Variants in DPP9 observed in about 807,000 individuals in gnomAD.
The protein encoded by DPP9 is dipeptidyl peptidase 9.
DPP9 carries 50 observed loss-of-function variants against 110.7 expected under a neutral mutation model. That is an observed-to-expected ratio of 0.45 (90% confidence interval 0.36 to 0.57). DPP9 has a LOEUF of 0.57. Among genes scored for constraint, DPP9 ranks in the 20% least tolerant of loss-of-function variants. The pLI, the probability that DPP9 is intolerant of heterozygous loss-of-function variation, is 0.00. For missense variants in DPP9, 1,022 were observed against 1,217.9 expected (o/e 0.84, Z 2.39); for synonymous variants, 561 against 514.4 (o/e 1.09, Z -1.23).
rs1488013339 is a variant in DPP9 at position 4,684,431 on chromosome 19, C to G, written c.2178+232G>C. ...TCGCCATCACCACCGTCGTCATCACCAGTGTCAGCACAACTTGTCTCTGTC... is the reference window on the plus strand; with the variant it reads ...TCGCCATCACCACCGTCGTCATCACGAGTGTCAGCACAACTTGTCTCTGTC... On this transcript the variant is annotated intron_variant, in intron 18 of 21. Coordinates refer to ENST00000262960, the MANE Select transcript of DPP9 (RefSeq NM_139159.5). This position sits in a 1 kb window ranked among gnomAD's most constrained non-coding sequence, Gnocchi z 4.8. 3.5e-6 allele frequency: 2 copies of G among 569,864 alleles called. No individual in the cohort carries two copies. The highest frequency in any genetic ancestry group is 5.9e-5 in the East Asian group (2 of 33,668). The allele number at this position is 569,864 out of a possible 1,614,324, so 35.3% of individuals were successfully genotyped here. A position where few individuals can be genotyped will look rare whatever the true frequency, so the allele number is the denominator to read the frequency against.
intron 3 of DPP9, among the ~76,000 whole-genome samples, chr19:4,714,759 A>T (rs1182242307): frequency 6.6e-6 from 1 of 151,896 alleles, no homozygotes; most frequent in Non-Finnish European, 1.5e-5. Context: ...CCCATCACTT[A>T]AAACCCTTCC....
At chr19:4,705,472 T>C (rs1283213275) in intron 5 of DPP9, among the ~76,000 whole-genome samples, 1 of 152,224 alleles carries the variant, frequency 6.6e-6, no homozygotes, top group African/African-American at 2.4e-5. Flanking sequence ...TCCTCTTGCC[T>C]CGGCCTCCCA....
intron 2 of DPP9, 66 bp from the exon 3 acceptor site, chr19:4,720,007 GC>G: frequency 7.9e-7 from 1 of 1,268,138 alleles, no homozygotes; most frequent in Non-Finnish European, 1.1e-6. Context: ...GGGCGCTCCT[GC>G]CCCCTTCGCC....
chr19:4,715,550 G>GGCAGGCATTCCACGGA (rs2093036642), intron 3 of DPP9: 2 of 152,134 alleles, frequency 1.3e-5, no homozygotes, highest in South Asian at 4.2e-4. Context: ...GCTGGCACGT[G>GGCAGGCATTCCACGGA]GCAGGCATTC....
rs2088760584 is a variant in DPP9, at chr19:4,675,622, C to T, written c.*942G>A. ...GAGGGCTGTCCACAGGTGGTGCCCC[C>T]CGCGGGCCCTGGCCGCTTCTCCTGT... On this transcript the variant is annotated 3_prime_UTR_variant, in exon 22 of 22. Coordinates refer to ENST00000262960, the MANE Select transcript of DPP9 (RefSeq NM_139159.5). The T allele has an allele frequency of 6.6e-6, 1 of 152,260 alleles. No homozygotes were observed. Among genetic ancestry groups the T allele is most frequent in the Admixed American group, 6.5e-5 (1 of 15,284 alleles). 9.4% of individuals were successfully genotyped at this position (152,260 alleles called of 1,614,324 possible).
At position 4,675,342 on chromosome 19, in the gene DPP9, T is replaced by TC. The variant is rs1020229987; in HGVS notation, c.*1221_*1222insG. The TC allele has an allele frequency of 2.6e-5, 4 of 152,324 alleles. No homozygotes were observed. The highest frequency in any genetic ancestry group is 7.2e-5 in the African/African-American group (3 of 41,380). The allele number at this position is 152,324 out of a possible 1,614,324, so 9.4% of individuals were successfully genotyped here. A position where few individuals can be genotyped will look rare whatever the true frequency, so the allele number is the denominator to read the frequency against. ...AATATGTAGAGGTGGTTTGTTTCTT[T>TC]TTTTTTTTTTTCTTTTCTTTTTACT... On this transcript the variant is annotated 3_prime_UTR_variant, in exon 22 of 22. Transcript: ENST00000262960.
intron 4 of DPP9, among the ~76,000 whole-genome samples, chr19:4,712,367 G>A (rs755862773): frequency 6.6e-6 from 1 of 152,042 alleles, no homozygotes; most frequent in Non-Finnish European, 1.5e-5. Flanking sequence ...TGGGCAACAC[G>A]GCAAAACCTC....
At position 4,676,472 on chromosome 19, in the gene DPP9, G is replaced by A; in HGVS notation, c.*92C>T. On this transcript the variant is annotated 3_prime_UTR_variant, in exon 22 of 22. Transcript: ENST00000262960. This position sits in a 1 kb window ranked among gnomAD's most constrained non-coding sequence, Gnocchi z 4.0. The stretch of plus-strand genomic sequence containing the variant: ...GCTGGGCGGGACAAAGTGCCTCACT[G>A]GGGCCCGCGGGCCACTCAGTCCCTC... 1 of 1,146,954 alleles carries A rather than the reference G, an allele frequency of 8.7e-7. No individual in the cohort carries two copies. Among genetic ancestry groups the A allele is most frequent in the East Asian group, 2.6e-5 (1 of 38,934 alleles). The allele number at this position is 1,146,954 out of a possible 1,614,324, so 71.0% of individuals were successfully genotyped here. A position where few individuals can be genotyped will look rare whatever the true frequency, so the allele number is the denominator to read the frequency against.
At position 4,718,469 on chromosome 19, in the gene DPP9, G is replaced by C. The variant is rs1031526231; in HGVS notation, c.56+1382C>G. On this transcript the variant is annotated intron_variant, in intron 3 of 21. Transcript: ENST00000262960. This position sits in a 1 kb window ranked among gnomAD's most constrained non-coding sequence, Gnocchi z 4.3. ...GGGTCCTACCCATGCGCTGGATGGG[G>C]AAATGCCTCAAGGTGGACTTTGGGC... Among the ~76,000 whole-genome samples, 2 of 152,212 alleles carry C rather than the reference G, an allele frequency of 1.3e-5. No homozygotes were observed. Among genetic ancestry groups the C allele is most frequent in the East Asian group, 3.8e-4 (2 of 5,196 alleles).
intron 4 of DPP9, among the ~76,000 whole-genome samples, chr19:4,708,064 T>A (rs2092673983): frequency 6.6e-6 from 1 of 152,224 alleles, no homozygotes; most frequent in Non-Finnish European, 1.5e-5. Context: ...CTGCTTGCTT[T>A]CTGTGTCCTG....
chr19:4,707,186 G>A (rs925664358), intron 4 of DPP9, among the ~76,000 whole-genome samples: 3 of 152,202 alleles, frequency 2.0e-5, no homozygotes, highest in African/African-American at 7.2e-5. Context: ...TGAAATCAGC[G>A]TATTTCATCA....
Position 4,682,755 on chromosome 19 carries a change from G to A in DPP9, c.2415C>T (p.Asn805=), listed in dbSNP as rs748078465. Residue 805 remains asparagine, a synonymous_variant, in exon 20 of 22, where the codon AAC becomes AAT. Transcript: ENST00000262960. The surrounding 1 kb of genome is among the most constrained non-coding windows in gnomAD (Gnocchi z 7.1). ...YTERYMDVPE[N]NQHGYEAGSV... ...AACCCGCCTCATAGCCGTGCTGGTT[G>A]TTCTCAGGGACGTCCATGTAGCGCT... The A allele has an allele frequency of 2.5e-6, 4 of 1,607,856 alleles. No individual in the cohort carries two copies. The highest frequency in any genetic ancestry group is 1.1e-5 in the South Asian group (1 of 89,734).
intron 10 of DPP9, among the ~76,000 whole-genome samples, chr19:4,699,968 C>T (rs1202387225): frequency 3.9e-5 from 6 of 152,210 alleles, no homozygotes; most frequent in African/African-American, 1.2e-4. Flanking sequence ...TGTTCCTTAC[C>T]GCGGCGTGGC....
chr19:4,683,371 C>T, intron 19 of DPP9, 106 bp downstream of exon 19: 3 of 1,539,312 alleles, frequency 1.9e-6, no homozygotes. Context: ...CGAGGCGCCT[C>T]CCCGGTAGGT....
At chr19:4,697,423 G>A (rs1016730418) in intron 11 of DPP9, 128 bp downstream of exon 11, 11 of 740,348 alleles carry the variant, frequency 1.5e-5, no homozygotes, top group African/African-American at 3.5e-5. Context: ...CTGTCCTGGC[G>A]GTTGCACTGC....
Position 4,704,060 on chromosome 19 carries a change from G to C in DPP9, c.601-6C>G. The C allele has an allele frequency of 6.2e-7, 1 of 1,613,940 alleles. No individual in the cohort carries two copies. Among genetic ancestry groups the C allele is most frequent in the Non-Finnish European group, 8.5e-7 (1 of 1,179,846 alleles). ...AGCGGTTTCATAGGGGACACCTGAG[G>C]ACAGAGACGCCCAGCTCAGGGGGAG... On this transcript the variant is annotated splice_polypyrimidine_tract_variant and splice_region_variant and intron_variant, in intron 6 of 21. Coordinates refer to ENST00000262960, the MANE Select transcript of DPP9 (RefSeq NM_139159.5). This position sits in a 1 kb window ranked among gnomAD's most constrained non-coding sequence, Gnocchi z 6.0.
chr19:4,708,780 TTGGAGGG>T (rs751648072), intron 4 of DPP9, among the ~76,000 whole-genome samples: 4 of 152,096 alleles, frequency 2.6e-5, no homozygotes, highest in African/African-American at 7.2e-5. Context: ...CTGGGGCCTA[TTGGAGGG>T]TGGAGGGTGG....
At position 4,704,357 on chromosome 19, in the gene DPP9, C is replaced by T. The variant is rs533841986; in HGVS notation, c.427-53G>A. On this transcript the variant is annotated intron_variant, in intron 5 of 21. Transcript: ENST00000262960. The surrounding 1 kb of genome is among the most constrained non-coding windows in gnomAD (Gnocchi z 6.0). ...GCGTCAGTGGGCAAAGAGGATCTCC[C>T]GCTGGCCAGGGCAGAGATCCTCGGG... 6.9e-4 allele frequency: 1,081 copies of T among 1,572,668 alleles called. 17 individuals are homozygous for T. In the South Asian group the frequency reaches 0.011, roughly 16 times the overall value.
chr19:4,703,791 G>T, intron 7 of DPP9, 95 bp downstream of exon 7: 1 of 1,346,298 alleles, frequency 7.4e-7, no homozygotes, highest in African/African-American at 1.4e-5. Context: ...TGTGAGGGGT[G>T]TGTGCAGGAA....
Sources: allele counts gnomAD v4.1 joint callset (sites outside exome capture counted in the v4.1 genomes callset), GRCh38; gene constraint gnomAD v4.1.1; non-coding constraint Gnocchi (gnomAD v3.1); transcripts MANE v1.5; gene names NCBI Gene and HGNC (gene_info 2026-07-23, HGNC 2026-07-21).